THAP6: variants seen among roughly 807,000 people sequenced by gnomAD.
The protein encoded by THAP6 is THAP domain-containing protein 6.
In THAP6, 13 loss-of-function variants were observed where a neutral mutation model predicts 20.0. The ratio of observed to expected loss-of-function variants is 0.65; its 90% CI spans 0.42 to 1.03. The LOEUF is 1.03. Ranked by LOEUF, THAP6 falls within the 50% of genes least tolerant of loss-of-function variation. The pLI is 0.00. For missense variants in THAP6, 262 were observed against 261.6 expected (o/e 1.00, Z -0.01); for synonymous variants, 93 against 92.2 (o/e 1.01, Z -0.05).
chr4:75,536,297 T>G (rs1373142311), intron 2 of THAP6, among the ~76,000 whole-genome samples: 1 of 152,084 alleles, frequency 6.6e-6, no homozygotes, highest in Non-Finnish European at 1.5e-5. Context: ...AAACCCCATC[T>G]CCACTAAAAA....
chr4:75,521,229 AT>A (rs1726007018), intron 3 of THAP6, among the ~76,000 whole-genome samples: 1 of 151,666 alleles, frequency 6.6e-6, no homozygotes, highest in Non-Finnish European at 1.5e-5. Context: ...TTATATAAAT[AT>A]TCTTTATATT....
chr4:75,530,675 G>C (rs1390571919), downstream of THAP6, among the ~76,000 whole-genome samples: 1 of 152,118 alleles, frequency 6.6e-6, no homozygotes, highest in African/African-American at 2.4e-5. Flanking sequence ...TGTATACTGT[G>C]GTTTTTTCCA....
In THAP6 at chr4:75,529,084, ATTAT is replaced by A. The variant is rs1279209466; in HGVS notation, c.*1877_*1880del. On this transcript the variant is annotated 3_prime_UTR_variant, in exon 5 of 5. Coordinates refer to ENST00000311638, the MANE Select transcript of THAP6 (RefSeq NM_144721.6). The stretch of plus-strand genomic sequence containing the variant: ...ACAAAACTACTTTCATTAATTACCC[ATTAT>A]TTATTTTAGTTACTTAATTTTGAGT... The A allele has an allele frequency of 3.6e-5, 35 of 959,378 alleles. No homozygotes were observed. The highest frequency in any genetic ancestry group is 4.2e-5 in the Non-Finnish European group (34 of 806,246). The allele number at this position is 959,378 out of a possible 1,614,324, so 59.4% of individuals were successfully genotyped here.
Position 75,528,915 on chromosome 4 carries a change from T to C in THAP6, c.*1701T>C, listed in dbSNP as rs1726550549. On this transcript the variant is annotated 3_prime_UTR_variant, in exon 5 of 5. Coordinates refer to ENST00000311638, the MANE Select transcript of THAP6 (RefSeq NM_144721.6). ...AATACAAAAAAAAATTAGCCGGGCA[T>C]GGTGGCACGTGCCTGTAATCCCAGC... 2 of 471,166 alleles carry C rather than the reference T, an allele frequency of 4.2e-6. No homozygotes were observed. Among genetic ancestry groups the C allele is most frequent in the Admixed American group, 6.4e-5 (1 of 15,606 alleles). 29.2% of individuals were successfully genotyped at this position (471,166 alleles called of 1,614,324 possible). A position where few individuals can be genotyped will look rare whatever the true frequency, so the allele number is the denominator to read the frequency against.
At chr4:75,539,282 A>G (rs1009877863) in intron 2 of THAP6, among the ~76,000 whole-genome samples, 1 of 152,216 alleles carries the variant, frequency 6.6e-6, no homozygotes, top group Admixed American at 6.5e-5. Context: ...CTATCATTTT[A>G]TATCTGTCTT....
intron 2 of THAP6, 56 bp from the exon 3 acceptor site, chr4:75,516,716 T>G: frequency 5.4e-6 from 8 of 1,479,910 alleles, no homozygotes; most frequent in Non-Finnish European, 7.4e-6. Flanking sequence ...CAGCTTTAAT[T>G]CAATTATATA....
Position 75,516,985 on chromosome 4 carries a change from T to G in THAP6, c.288+6T>G. On this transcript the variant is annotated splice_donor_region_variant and intron_variant, in intron 3 of 4. Transcript: ENST00000311638. ...ATTCTCCATATCACCTACAGGTTTG[T>G]TTATGAGATACTGTTTACCATCATT... 4.4e-6 allele frequency: 7 copies of G among 1,604,562 alleles called. No individual in the cohort carries two copies. Among genetic ancestry groups the G allele is most frequent in the Non-Finnish European group, 6.0e-6 (7 of 1,173,118 alleles).
intron 4 of THAP6, 84 bp downstream of exon 4, chr4:75,521,945 TA>T (rs1726062594): frequency 1.3e-6 from 2 of 1,514,390 alleles, no homozygotes; most frequent in South Asian, 2.3e-5. Context: ...TTCAGAATCC[TA>T]GCAAAATCTA....
At chr4:75,516,061 T>C (rs1190981614) in intron 2 of THAP6, among the ~76,000 whole-genome samples, 1 of 152,246 alleles carries the variant, frequency 6.6e-6, no homozygotes, top group Admixed American at 6.5e-5. Context: ...TAATAGTTGT[T>C]CACTTGTTAA....
At position 75,527,895 on chromosome 4, in the gene THAP6, A is replaced by G. The variant is rs988345754; in HGVS notation, c.*681A>G. Reference sequence around the variant, plus strand: ...GATGTAAACCAGAATAGCTTTAAAAAGACAAAAAGGATCGTAGATCTGATT... The same window carrying G: ...GATGTAAACCAGAATAGCTTTAAAAGGACAAAAAGGATCGTAGATCTGATT... On this transcript the variant is annotated 3_prime_UTR_variant, in exon 5 of 5. Coordinates refer to ENST00000311638, the MANE Select transcript of THAP6 (RefSeq NM_144721.6). 1.0e-6 allele frequency: 1 copy of G among 985,340 alleles called. No individual in the cohort carries two copies. The highest frequency in any genetic ancestry group is 1.7e-5 in the African/African-American group (1 of 57,248). 61.0% of individuals were successfully genotyped at this position (985,340 alleles called of 1,614,324 possible).
exon 3 of THAP6, chr4:75,542,436 T>C (rs760103024): frequency 1.4e-6 from 1 of 702,332 alleles, no homozygotes; most frequent in South Asian, 1.5e-5. Flanking sequence ...GAAATGTTTG[T>C]TCAAGGCAAA....
chr4:75,542,274 T>C (rs575374503), intron 2 of THAP6: 147 of 584,006 alleles, frequency 2.5e-4, no homozygotes, highest in African/African-American at 2.4e-3. Context: ...AATACAGCTT[T>C]CCAACTGACC....
upstream of THAP6, chr4:75,514,371 C>T (rs1725335498): frequency 7.0e-7 from 1 of 1,431,710 alleles, no homozygotes; most frequent in South Asian, 1.3e-5. Context: ...CTAGCACACC[C>T]CTCCCAGCCC....
intron 3 of THAP6, chr4:75,542,712 A>G (rs995978824): frequency 5.1e-6 from 2 of 390,662 alleles, no homozygotes; most frequent in African/African-American, 4.1e-5. Context: ...CAAGAGCCAG[A>G]GACTTTTGTT....
chr4:75,535,068 T>G (rs1039181280), intron 2 of THAP6, among the ~76,000 whole-genome samples: 1 of 152,130 alleles, frequency 6.6e-6, no homozygotes, highest in Admixed American at 6.5e-5. Context: ...ACCCAAAGGA[T>G]TATAAATCAG....
rs1172112492 is a variant in THAP6 at position 75,529,682 on chromosome 4, T to C, written c.*2468T>C. Reference sequence around the variant, plus strand: ...CCCAAGTCATCCCCCTCCAGAAATTTCTCTGGCAGCCAAGCCTGACCCTAA... The same window carrying C: ...CCCAAGTCATCCCCCTCCAGAAATTCCTCTGGCAGCCAAGCCTGACCCTAA... On this transcript the variant is annotated 3_prime_UTR_variant, in exon 5 of 5. Transcript: ENST00000311638. 35 of 985,250 alleles carry C rather than the reference T, an allele frequency of 3.6e-5. No individual in the cohort carries two copies. Among genetic ancestry groups the C allele is most frequent in the Non-Finnish European group, 4.1e-5 (34 of 829,970 alleles). 61.0% of individuals were successfully genotyped at this position (985,250 alleles called of 1,614,324 possible).
At position 75,516,772 on chromosome 4, in the gene THAP6, A is replaced by T. The variant is rs771909979; in HGVS notation, c.81A>T (p.Val27=). Residue 27 remains valine (V), a splice_region_variant and synonymous_variant, in exon 3 of 5, where the codon GTA becomes GTT. Transcript: ENST00000311638. ...AATATTTTTTGTATTTTTTTTCTAG[A>T]TTCCCCACAGATGAAAACATCAAAA... ...NSKLKGLTFH[V]FPTDENIKRK... is the part of the protein sequence containing the mutation. 4 of 1,609,688 alleles carry T rather than the reference A, an allele frequency of 2.5e-6. No individual in the cohort carries two copies. In the Admixed American group the frequency reaches 5.1e-5, roughly 20 times the overall value.
chr4:75,528,521 A>G lies in THAP6; in HGVS notation c.*1307A>G. ...AAAAATTGAATTGCATTTTGTGCTC[A>G]GTTGTTTATTGTAATTTTATTTTTG... On this transcript the variant is annotated 3_prime_UTR_variant, in exon 5 of 5. Coordinates refer to ENST00000311638, the MANE Select transcript of THAP6 (RefSeq NM_144721.6). 3.0e-6 allele frequency: 3 copies of G among 984,664 alleles called. No homozygotes were observed. The highest frequency in any genetic ancestry group is 1.0e-3 in the Middle Eastern group (2 of 1,914). The allele number at this position is 984,664 out of a possible 1,614,324, so 61.0% of individuals were successfully genotyped here.
intron 3 of THAP6, among the ~76,000 whole-genome samples, chr4:75,519,899 G>A (rs1031008577): frequency 3.7e-4 from 56 of 151,998 alleles, no homozygotes; most frequent in Middle Eastern, 6.8e-3. Context: ...CTGAGGAGTC[G>A]CCACACTGAC....
Sources: gnomAD v4.1 joint callset for allele counts (sites outside exome capture counted in the v4.1 genomes callset) on GRCh38, gnomAD v4.1.1 for gene constraint, MANE v1.5 for transcripts, NCBI Gene and HGNC (gene_info 2026-07-23, HGNC 2026-07-21) for gene names.